BRINP3: variants seen among roughly 807,000 people sequenced by gnomAD.
BRINP3 encodes BMP/retinoic acid inducible neural specific 3.
In BRINP3, 19 loss-of-function variants were observed where a neutral mutation model predicts 71.0. That is an observed-to-expected ratio of 0.27 (90% CI 0.19 to 0.39). The LOEUF is 0.39. BRINP3 is among the 10% of genes least tolerant of loss of function. The pLI is 1.00. For missense variants in BRINP3, 959 were observed against 940.8 expected, an observed-to-expected ratio of 1.02 and a Z score of -0.25; for synonymous variants, 380 against 337.7, an observed-to-expected ratio of 1.13 and a Z score of -1.37.
chr1:190,319,167 C>T (rs652953), intron 2 of BRINP3, among the ~76,000 whole-genome samples: 61,114 of 151,938 alleles, frequency 0.4, 13,159 homozygotes, highest in Non-Finnish European at 0.49. Context: ...ATCGCACCTT[C>T]ATCTAAATCC....
intron 6 of BRINP3, 27 bp from the exon 7 acceptor site, chr1:190,160,917 T>C: frequency 6.7e-7 from 1 of 1,493,356 alleles, no homozygotes; most frequent in East Asian, 2.3e-5. Flanking sequence ...TTCAACACTT[T>C]AATTATGAAA....
At chr1:190,154,668 G>T (rs1656708411) in intron 7 of BRINP3, among the ~76,000 whole-genome samples, 1 of 152,080 alleles carries the variant, frequency 6.6e-6, no homozygotes, top group Admixed American at 6.6e-5. Flanking sequence ...GCATTTAAAA[G>T]AAAGTTTACT....
At chr1:190,232,612 A>G (rs1412459936) in intron 5 of BRINP3, among the ~76,000 whole-genome samples, 1 of 151,688 alleles carries the variant, frequency 6.6e-6, no homozygotes, top group Non-Finnish European at 1.5e-5. Context: ...GTTGAAGAGA[A>G]TAGAAATAAT....
intron 6 of BRINP3, among the ~76,000 whole-genome samples, chr1:190,199,771 G>GAAAAA (rs35752025): frequency 8.1e-6 from 1 of 123,528 alleles, no homozygotes; most frequent in African/African-American, 3.0e-5. Context: ...CAAGGCATAG[G>GAAAAA]AAAAAAAAAA....
intron 3 of BRINP3, among the ~76,000 whole-genome samples, chr1:190,266,609 A>G (rs1419984544): frequency 6.6e-6 from 1 of 152,200 alleles, no homozygotes; most frequent in Non-Finnish European, 1.5e-5. Context: ...CTATAAAATA[A>G]ACAAACAAAA....
intron 1 of BRINP3, among the ~76,000 whole-genome samples, chr1:190,473,444 T>C (rs968634202): frequency 3.3e-5 from 5 of 151,878 alleles, no homozygotes; most frequent in Non-Finnish European, 5.9e-5. Flanking sequence ...ACTAAAACTA[T>C]TTCCAGAGAT....
chr1:190,414,337 GTT>G lies in BRINP3; in HGVS notation c.236+40316_236+40317del, dbSNP rs147545737. Reference sequence around the variant, plus strand: ...TATTTGAGGTTGAATAAATCACTGTGTTTTTTTTTTGTTGTTTATCAGTTAGA... The same window carrying G: ...TATTTGAGGTTGAATAAATCACTGTGTTTTTTTTGTTGTTTATCAGTTAGA... On this transcript the variant is annotated intron_variant, in intron 2 of 7. Transcript: ENST00000367462. Among the ~76,000 whole-genome samples, 13 of 146,680 alleles carry G rather than the reference GTT, an allele frequency of 8.9e-5. No homozygotes were observed. The Admixed American group carries it at 8.9e-4, about 10-fold the overall frequency.
chr1:190,231,476 C>G (rs894126603), intron 5 of BRINP3, among the ~76,000 whole-genome samples: 3 of 151,604 alleles, frequency 2.0e-5, no homozygotes, highest in Non-Finnish European at 4.4e-5. Flanking sequence ...TTAAATTATT[C>G]ATTTTCTCAA....
Position 190,195,900 on chromosome 1 carries a change from A to T in BRINP3, c.961+30182T>A, listed in dbSNP as rs544093136. ...TTTCTTTCCACTCAATTATTCAATT[A>T]TTCTTAAACTCATGTTCAGCTACAC... On this transcript the variant is annotated intron_variant, in intron 6 of 7. Transcript: ENST00000367462. Among the ~76,000 whole-genome samples, 30 of 152,240 alleles carry T rather than the reference A, an allele frequency of 2.0e-4. 1 individual carries two copies. In the South Asian group the frequency reaches 6.2e-3, roughly 32 times the overall value.
chr1:190,104,786 C>A (rs1168348928), intron 7 of BRINP3, among the ~76,000 whole-genome samples: 1 of 151,832 alleles, frequency 6.6e-6, no homozygotes, highest in African/African-American at 2.4e-5. Context: ...AAACAATTAC[C>A]TCGTCTCATG....
intron 7 of BRINP3, among the ~76,000 whole-genome samples, chr1:190,136,438 C>T (rs1654984578): frequency 6.6e-6 from 1 of 152,086 alleles, no homozygotes; most frequent in Non-Finnish European, 1.5e-5. Context: ...TGGATTCCTT[C>T]TTTTCTATTC....
At chr1:190,420,008 A>G (rs1673268484) in intron 2 of BRINP3, among the ~76,000 whole-genome samples, 1 of 152,018 alleles carries the variant, frequency 6.6e-6, no homozygotes, top group Non-Finnish European at 1.5e-5. Flanking sequence ...TTTGGGGACC[A>G]AAGTAGATTC....
At chr1:190,110,623 G>T (rs139579375) in intron 7 of BRINP3, among the ~76,000 whole-genome samples, 4 of 152,258 alleles carry the variant, frequency 2.6e-5, no homozygotes, top group Non-Finnish European at 5.9e-5. Flanking sequence ...TTGGAGTCCT[G>T]TAGTATAAAT....
intron 6 of BRINP3, among the ~76,000 whole-genome samples, chr1:190,165,817 A>G (rs1446393607): frequency 6.6e-6 from 1 of 152,080 alleles, no homozygotes; most frequent in African/African-American, 2.4e-5. Flanking sequence ...GAGAAGAAAG[A>G]CTCACGGCAA....
At chr1:190,281,424 ATGTGT>A in intron 3 of BRINP3, 131 bp downstream of exon 3, 1 of 813,430 alleles carries the variant, frequency 1.2e-6, no homozygotes, top group Non-Finnish European at 1.9e-6. Flanking sequence ...ATCACTCAAA[ATGTGT>A]TGGGTAAATG....
chr1:190,193,493 A>G (rs1654222095), intron 6 of BRINP3, among the ~76,000 whole-genome samples: 1 of 152,064 alleles, frequency 6.6e-6, no homozygotes, highest in Admixed American at 6.6e-5. Context: ...TGATTGTGGT[A>G]GGCTGAAAAA....
chr1:190,316,895 G>C (rs969746233), intron 2 of BRINP3, among the ~76,000 whole-genome samples: 1 of 151,974 alleles, frequency 6.6e-6, no homozygotes, highest in Admixed American at 6.6e-5. Flanking sequence ...AAATGTGGCC[G>C]GGTGTGGTGG....
intron 7 of BRINP3, among the ~76,000 whole-genome samples, chr1:190,137,000 C>G (rs1344734544): frequency 1.3e-5 from 2 of 151,980 alleles, no homozygotes; most frequent in Non-Finnish European, 2.9e-5. Context: ...ATTATAAGTT[C>G]TCACAATATC....
At chr1:190,271,501 A>T (rs1295433491) in intron 3 of BRINP3, among the ~76,000 whole-genome samples, 1 of 151,558 alleles carries the variant, frequency 6.6e-6, no homozygotes, top group Non-Finnish European at 1.5e-5. Flanking sequence ...CACCACTATT[A>T]TTCAGAGCTG....
Sources: allele counts gnomAD v4.1 joint callset (sites outside exome capture counted in the v4.1 genomes callset), GRCh38; gene constraint gnomAD v4.1.1; transcripts MANE v1.5; gene names NCBI Gene and HGNC (gene_info 2026-07-23, HGNC 2026-07-21).